Variants in NOX5 observed in about 807,000 individuals in gnomAD.
NOX5 encodes the protein NADPH oxidase, EF-hand calcium binding domain 5.
NOX5 carries 76 observed loss-of-function variants against 85.7 expected under a neutral mutation model. The observed-to-expected ratio is 0.89, with a 90% CI of 0.74 to 1.07. The LOEUF is 1.07. NOX5 is among the 50% of genes least tolerant of loss of function. The pLI is 0.00. For missense variants in NOX5, 973 were observed against 999.5 expected (o/e 0.97, Z 0.36); for synonymous variants, 405 against 401.4 (o/e 1.01, Z -0.11).
At chr15:69,024,735 GT>G (rs1229674637) in intron 1 of NOX5, among the ~76,000 whole-genome samples, 1 of 151,994 alleles carries the variant, frequency 6.6e-6, no homozygotes, top group African/African-American at 2.4e-5. Context: ...TCTATATAGG[GT>G]TTGCTACTAT....
At chr15:69,039,382 C>T (rs1314290223) in intron 9 of NOX5, among the ~76,000 whole-genome samples, 4 of 64,818 alleles carry the variant, frequency 6.2e-5, no homozygotes, top group East Asian at 7.5e-4. Flanking sequence ...TGGGGGGTGG[C>T]GGGGGGTAGG....
At chr15:69,049,550 A>G (rs1056527337) in intron 14 of NOX5, among the ~76,000 whole-genome samples, 2 of 152,214 alleles carry the variant, frequency 1.3e-5, no homozygotes, top group African/African-American at 2.4e-5. Context: ...TATCCAGGCT[A>G]TCCAGATGAC....
Position 69,056,748 on chromosome 15 carries a change from G to A in NOX5, c.*52G>A, listed in dbSNP as rs780363135. On this transcript the variant is annotated 3_prime_UTR_variant, in exon 16 of 16. Coordinates refer to ENST00000388866, the MANE Select transcript of NOX5 (RefSeq NM_024505.4). Reference sequence around the variant, plus strand: ...GTCCACACCATGGGTCTGCTTCATTGCATTAGTATAAATGCCCCCACAGGG... The same window carrying A: ...GTCCACACCATGGGTCTGCTTCATTACATTAGTATAAATGCCCCCACAGGG... 6 of 1,594,520 alleles carry A rather than the reference G, an allele frequency of 3.8e-6. No homozygotes were observed. Among genetic ancestry groups the A allele is most frequent in the Admixed American group, 1.7e-5 (1 of 57,514 alleles).
chr15:69,044,444 G>T (rs1360961226), intron 10 of NOX5, among the ~76,000 whole-genome samples: 4 of 152,166 alleles, frequency 2.6e-5, no homozygotes, highest in Admixed American at 6.5e-5. Context: ...AAGAGGTAGG[G>T]ATGGGAAAAG....
chr15:69,015,769 T>A (rs947484872), intron 1 of NOX5, among the ~76,000 whole-genome samples: 1 of 152,156 alleles, frequency 6.6e-6, no homozygotes, highest in African/African-American at 2.4e-5. Flanking sequence ...AGGGTGGCTA[T>A]AAGTCAGTGG....
chr15:69,040,457 T>C (rs1308068500), intron 9 of NOX5, among the ~76,000 whole-genome samples: 1 of 152,210 alleles, frequency 6.6e-6, no homozygotes, highest in East Asian at 1.9e-4. Flanking sequence ...AGATTTTGTA[T>C]ACATGGGCTC....
chr15:69,038,190 T>C (rs1234549185), intron 8 of NOX5: 1 of 152,662 alleles, frequency 6.6e-6, no homozygotes. Context: ...AGGAAGGCAG[T>C]TCTAGGCGGG....
At position 69,047,473 on chromosome 15, in the gene NOX5, G is replaced by T. The variant is rs759159780; in HGVS notation, c.1753G>T (p.Val585Leu). 1.1e-5 allele frequency: 18 copies of T among 1,613,982 alleles called. No homozygotes were observed. In the Admixed American group the frequency reaches 3.0e-4, roughly 27 times the overall value. ...TRRIFASEHA[V>L]LIGAGIGITP... is the part of the protein sequence containing the mutation. ...CAGGATCTTTGCCTCTGAGCATGCC[G>T]TGCTCATCGGGGCAGGCATCGGCAT... The change falls in exon 12 of 16, where the codon GTG becomes TTG. Residue 585 changes from valine to leucine, a missense_variant. By Grantham distance (32) the Val-to-Leu change is conservative. Coordinates refer to ENST00000388866, the MANE Select transcript of NOX5 (RefSeq NM_024505.4).
chr15:69,060,990 C>G lies in NOX5; in HGVS notation c.*4294C>G, dbSNP rs565412831. ...ATGCTAAGCAGTTCGCAGTGGTTAACTGTGGAGGAGGCAAAGGAGGACTTG... is the reference window on the plus strand; with the variant it reads ...ATGCTAAGCAGTTCGCAGTGGTTAAGTGTGGAGGAGGCAAAGGAGGACTTG... On this transcript the variant is annotated 3_prime_UTR_variant, in exon 16 of 16. Coordinates refer to ENST00000388866, the MANE Select transcript of NOX5 (RefSeq NM_024505.4). The G allele has an allele frequency of 1.3e-5, 2 of 152,360 alleles. No individual in the cohort carries two copies. Among genetic ancestry groups the G allele is most frequent in the East Asian group, 3.9e-4 (2 of 5,194 alleles). The allele number at this position is 152,360 out of a possible 1,614,324, so 9.4% of individuals were successfully genotyped here. A position where few individuals can be genotyped will look rare whatever the true frequency, so the allele number is the denominator to read the frequency against.
Position 69,037,191 on chromosome 15 carries a change from T to C in NOX5, c.1352T>C (p.Val451Ala). 1 of 1,613,556 alleles carries C rather than the reference T, an allele frequency of 6.2e-7. No individual in the cohort carries two copies. Among genetic ancestry groups the C allele is most frequent in the Non-Finnish European group, 8.5e-7 (1 of 1,179,968 alleles). ...SRMAAVCIME[V>A]NLLPSKVTHL... ...ATGGCAGCCGTGTGCATCATGGAAGTCAACCTCCTCCCCTCCAAGGTACAA... is the reference window on the plus strand; with the variant it reads ...ATGGCAGCCGTGTGCATCATGGAAGCCAACCTCCTCCCCTCCAAGGTACAA... The change falls in exon 8 of 16, where the codon GTC (valine) becomes GCC (alanine). Residue 451 changes from valine (V) to alanine (A), a missense_variant. Val to Ala is a moderately conservative substitution (Grantham distance 64, BLOSUM62 0). Transcript: ENST00000388866.
At chr15:69,039,149 C>A (rs190492678) in intron 9 of NOX5, among the ~76,000 whole-genome samples, 160 bp downstream of exon 9, 1 of 152,150 alleles carries the variant, frequency 6.6e-6, no homozygotes, top group Admixed American at 6.5e-5. Context: ...ATGCAGACAC[C>A]GATTGGCATG....
chr15:69,031,738 CG>C lies in NOX5; in HGVS notation c.550del (p.Ala184ProfsTer21). Reference protein sequence around the residue: ...LFESADADGNGAITFEELRDE... With the variant: ...LFESADADGNXAITFEELRDE... ...TCGAATCGGCCGACGCGGACGGCAA[CG>C]GGGCCATCACCTTCGAGGAGCTCCG... is the stretch of plus-strand genomic sequence containing the variant. On this transcript the variant is annotated frameshift_variant, in exon 4 of 16. Transcript: ENST00000388866. LOFTEE classifies it high-confidence loss of function. 6.2e-7 allele frequency: 1 copy of C among 1,612,724 alleles called. No individual in the cohort carries two copies. The highest frequency in any genetic ancestry group is 8.5e-7 in the Non-Finnish European group (1 of 1,179,558).
chr15:69,037,198 C>T lies in NOX5; in HGVS notation c.1359C>T (p.Leu453=). The change falls in exon 8 of 16, where the codon CTC becomes CTT. Residue 453 remains leucine, a synonymous_variant. Transcript: ENST00000388866. The part of the protein sequence containing the change: ...MAAVCIMEVN[L]LPSKVTHLLI... Reference sequence around the variant, plus strand: ...CCGTGTGCATCATGGAAGTCAACCTCCTCCCCTCCAAGGTACAAAGGTGGG... The same window carrying T: ...CCGTGTGCATCATGGAAGTCAACCTTCTCCCCTCCAAGGTACAAAGGTGGG... The T allele has an allele frequency of 6.2e-7, 1 of 1,613,486 alleles. No homozygotes were observed. Among genetic ancestry groups the T allele is most frequent in the Non-Finnish European group, 8.5e-7 (1 of 1,179,924 alleles).
At chr15:69,016,219 G>A (rs1356997749) in intron 1 of NOX5, among the ~76,000 whole-genome samples, 4 of 152,228 alleles carry the variant, frequency 2.6e-5, no homozygotes, top group African/African-American at 9.6e-5. Flanking sequence ...GCGTGCAGGA[G>A]CTGGCCTATC....
At position 69,035,223 on chromosome 15, in the gene NOX5, G is replaced by A. The variant is rs2050495588; in HGVS notation, c.856-131G>A. 29 of 939,166 alleles carry A rather than the reference G, an allele frequency of 3.1e-5. 1 individual carries two copies. The South Asian group carries it at 4.7e-4, about 15-fold the overall frequency. 58.2% of individuals were successfully genotyped at this position (939,166 alleles called of 1,614,324 possible). ...ATCCAGGGAAGCAACAAGGCATGGG[G>A]GCAGGGGACTTTGGTGAGTGTCCTG... On this transcript the variant is annotated intron_variant, in intron 5 of 15. Transcript: ENST00000388866.
chr15:69,019,740 T>C (rs946382542), intron 1 of NOX5, among the ~76,000 whole-genome samples: 2 of 152,238 alleles, frequency 1.3e-5, no homozygotes, highest in African/African-American at 4.8e-5. Context: ...AATGGCAATC[T>C]AGTACACAGT....
intron 13 of NOX5, among the ~76,000 whole-genome samples, chr15:69,048,267 T>C (rs1232412512): frequency 6.6e-6 from 1 of 152,250 alleles, no homozygotes; most frequent in Non-Finnish European, 1.5e-5. Context: ...GCATGGTGGC[T>C]CATGCCTGTA....
At chr15:69,031,926 C>T in intron 4 of NOX5, 114 bp downstream of exon 4, 1 of 1,134,610 alleles carries the variant, frequency 8.8e-7, no homozygotes, top group Non-Finnish European at 1.2e-6. Flanking sequence ...CTGCCCCGCC[C>T]CTCCCCAGTT....
intron 8 of NOX5, chr15:69,038,270 C>A: frequency 6.1e-6 from 1 of 162,888 alleles, no homozygotes; most frequent in Non-Finnish European, 1.3e-5. Flanking sequence ...TGTGTCTAGG[C>A]TCTGGCATCC....
Sources: allele counts gnomAD v4.1 joint callset (sites outside exome capture counted in the v4.1 genomes callset), GRCh38; gene constraint gnomAD v4.1.1; transcripts MANE v1.5; gene names NCBI Gene and HGNC (gene_info 2026-07-23, HGNC 2026-07-21).